MLLT10: variants seen among roughly 807,000 people sequenced by gnomAD.
MLLT10 encodes the protein MLLT10 histone lysine methyltransferase DOT1L cofactor.
Under a neutral mutation model 129.1 loss-of-function variants are expected in MLLT10, and 30 were observed. The observed-to-expected ratio is 0.23, with a 90% confidence interval of 0.17 to 0.32. The LOEUF is 0.32. Among genes scored for constraint, MLLT10 ranks in the 10% least tolerant of loss-of-function variants. The pLI is 1.00. For synonymous variants in MLLT10, 490 were observed against 446.4 expected (o/e 1.10, Z -1.23); for missense variants, 1,119 against 1,268.3 (o/e 0.88, Z 1.79).
At chr10:21,667,877 T>A (rs984118697) in intron 9 of MLLT10, among the ~76,000 whole-genome samples, 3 of 152,146 alleles carry the variant, frequency 2.0e-5, no homozygotes, top group Non-Finnish European at 4.4e-5. Flanking sequence ...TTAATGCTAT[T>A]GTATAGGTAT....
At chr10:21,712,181 T>C (rs981093089) in intron 13 of MLLT10, among the ~76,000 whole-genome samples, 2 of 152,114 alleles carry the variant, frequency 1.3e-5, no homozygotes, top group Non-Finnish European at 2.9e-5. Context: ...GTGCTTTAAT[T>C]TATTATATAA....
intron 3 of MLLT10, among the ~76,000 whole-genome samples, chr10:21,569,515 G>T (rs139528070): frequency 0.01 from 1,518 of 151,460 alleles, 17 homozygotes; most frequent in African/African-American, 0.031. Context: ...CCACCTCCTG[G>T]GTTCAAGCGA....
At chr10:21,542,653 A>G (rs1264414402) in intron 3 of MLLT10, among the ~76,000 whole-genome samples, 1 of 152,190 alleles carries the variant, frequency 6.6e-6, no homozygotes, top group Non-Finnish European at 1.5e-5. Context: ...AGGTGAGAGG[A>G]TCACGCCTGA....
chr10:21,731,178 T>C (rs2057938049), intron 17 of MLLT10, 124 bp downstream of exon 17: 1 of 884,998 alleles, frequency 1.1e-6, no homozygotes, highest in African/African-American at 1.7e-5. Context: ...TTTTATATAA[T>C]ACAGTGAGAG....
At chr10:21,557,753 A>G (rs972609453) in intron 3 of MLLT10, 1 of 151,808 alleles carries the variant, frequency 6.6e-6, no homozygotes, top group Non-Finnish European at 1.5e-5. Flanking sequence ...TGTGCCCATC[A>G]TCTCTGTGGC....
At chr10:21,593,957 A>AG (rs2042762439) in intron 4 of MLLT10, among the ~76,000 whole-genome samples, 1 of 149,908 alleles carries the variant, frequency 6.7e-6, no homozygotes, top group Non-Finnish European at 1.5e-5. Context: ...AAAAAAAAAA[A>AG]AGGTGGAAAT....
At chr10:21,559,578 T>G (rs1208886896) in intron 3 of MLLT10, among the ~76,000 whole-genome samples, 5 of 152,232 alleles carry the variant, frequency 3.3e-5, no homozygotes, top group Non-Finnish European at 5.9e-5. Context: ...TTTCCAGAAC[T>G]AATTCCAAAG....
intron 13 of MLLT10, among the ~76,000 whole-genome samples, chr10:21,689,546 A>AATATATATATATATATATGTATATAT (rs1291230304): frequency 3.7e-5 from 4 of 108,334 alleles, no homozygotes; most frequent in Non-Finnish European, 5.8e-5. Context: ...TGTGTAAAGT[A>AATATATATATATATATATGTATATAT]ATATATATAT....
chr10:21,540,516 C>A (rs983628435), intron 3 of MLLT10, among the ~76,000 whole-genome samples: 1 of 152,028 alleles, frequency 6.6e-6, no homozygotes, highest in Admixed American at 6.6e-5. Flanking sequence ...TGACTCCAGC[C>A]TGGGTGACAG....
At position 21,734,047 on chromosome 10, in the gene MLLT10, A is replaced by G. The variant is rs758174027; in HGVS notation, c.2776A>G (p.Met926Val). 57 of 1,614,050 alleles carry G rather than the reference A, an allele frequency of 3.5e-5. No homozygotes were observed. The highest frequency in any genetic ancestry group is 5.3e-5 in the African/African-American group (4 of 74,922). Residue 926 changes from methionine (M) to valine (V), a missense_variant, in exon 20 of 23, where the codon ATG becomes GTG. By Grantham distance (21) the Met-to-Val change is conservative (BLOSUM62 1). This residue lies in a region of MLLT10 where 1,004 missense variants were observed against 1,008.7 expected (regional missense o/e 1.00). Transcript: ENST00000307729. Reference sequence around the variant, plus strand: ...TGGGGTTATGCAGACTCCTGTCACAATGTCCCAGAACCCTACCCCTCTCAC... The same window carrying G: ...TGGGGTTATGCAGACTCCTGTCACAGTGTCCCAGAACCCTACCCCTCTCAC... ...LNGVMQTPVT[M>V]SQNPTPLTHT... is the part of the protein sequence containing the mutation.
chr10:21,617,147 T>A lies in MLLT10; in HGVS notation c.639T>A (p.Asp213Glu). Reference protein sequence around the residue: ...KSKRGSNRSYDQSLSDSSSHS... With the variant: ...KSKRGSNRSYEQSLSDSSSHS... ...AACGGGGATCTAATAGGTCATATGATCAAAGTTTAAGTGATTCTTCCTCTC... is the reference window on the plus strand; with the variant it reads ...AACGGGGATCTAATAGGTCATATGAACAAAGTTTAAGTGATTCTTCCTCTC... The change falls in exon 8 of 23, where the codon GAT (aspartate) becomes GAA (glutamate). Residue 213 changes from aspartate (D) to glutamate (E), a missense_variant. Coordinates refer to ENST00000307729, the MANE Select transcript of MLLT10 (RefSeq NM_001195626.3). 1.3e-6 allele frequency: 2 copies of A among 1,541,046 alleles called. No homozygotes were observed. The highest frequency in any genetic ancestry group is 1.8e-6 in the Non-Finnish European group (2 of 1,140,054).
Position 21,659,758 on chromosome 10 carries a change from G to A in MLLT10, c.795+7990G>A, listed in dbSNP as rs528190104. 5.9e-5 allele frequency among the ~76,000 whole-genome samples: 9 copies of A among 152,034 alleles called. No individual in the cohort carries two copies. In the South Asian group the frequency reaches 1.5e-3, roughly 25 times the overall value. On this transcript the variant is annotated intron_variant, in intron 9 of 22. Transcript: ENST00000307729. Reference sequence around the variant, plus strand: ...ACTCCTGAGCTCAGGTGATCCACCCGCCTTGGCCTCCCAAAGTGCTGGGAT... The same window carrying A: ...ACTCCTGAGCTCAGGTGATCCACCCACCTTGGCCTCCCAAAGTGCTGGGAT...
Position 21,614,526 on chromosome 10 carries a change from A to G in MLLT10, c.510-305A>G, listed in dbSNP as rs575367434. Among the ~76,000 whole-genome samples the G allele has an allele frequency of 7.2e-5, 11 of 152,260 alleles. No individual in the cohort carries two copies. In the South Asian group the frequency reaches 1.9e-3, roughly 26 times the overall value. ...ACTGATGGGGTGGGATTGAGGGGGA[A>G]GAGAATGTATCTTAAACTTAATATC... On this transcript the variant is annotated intron_variant, in intron 6 of 22. Coordinates refer to ENST00000307729, the MANE Select transcript of MLLT10 (RefSeq NM_001195626.3).
In MLLT10 at chr10:21,740,198, C is replaced by T; in HGVS notation, c.3124C>T (p.Leu1042Phe). 1 of 1,614,196 alleles carries T rather than the reference C, an allele frequency of 6.2e-7. No individual in the cohort carries two copies. Among genetic ancestry groups the T allele is most frequent in the Non-Finnish European group, 8.5e-7 (1 of 1,180,034 alleles). Reference protein sequence around the residue: ...PLHTATTNPFLTIHGDNASQK... With the variant: ...PLHTATTNPFFTIHGDNASQK... Reference sequence around the variant, plus strand: ...TCACACAGCTACCACCAACCCATTTCTCACCATCCATGGAGATAATGCAAG... The same window carrying T: ...TCACACAGCTACCACCAACCCATTTTTCACCATCCATGGAGATAATGCAAG... Residue 1042 changes from leucine (L) to phenylalanine (F), a missense_variant, in exon 22 of 23, where the codon CTC becomes TTC. Transcript: ENST00000307729.
intron 6 of MLLT10, 44 bp from the exon 7 acceptor site, chr10:21,614,787 G>A: frequency 6.7e-7 from 1 of 1,502,722 alleles, no homozygotes; most frequent in South Asian, 1.2e-5. Context: ...TACAGGTACT[G>A]TGATTTTAGT....
intron 4 of MLLT10, among the ~76,000 whole-genome samples, chr10:21,590,447 C>T (rs1484922012): frequency 6.6e-6 from 1 of 151,570 alleles, no homozygotes; most frequent in African/African-American, 2.4e-5. Context: ...TCAAGTGATT[C>T]TCTGCCTCAG....
At chr10:21,624,879 G>A (rs1589293151) in intron 8 of MLLT10, 1 of 1,159,970 alleles carries the variant, frequency 8.6e-7, no homozygotes, top group African/African-American at 1.5e-5. Context: ...ACAGCCTCGT[G>A]GTGGTCCCAA....
rs1460568819 is a variant in MLLT10 at position 21,682,216 on chromosome 10, A to T, written c.1667-9A>T. On this transcript the variant is annotated splice_polypyrimidine_tract_variant and intron_variant, in intron 12 of 22. Coordinates refer to ENST00000307729, the MANE Select transcript of MLLT10 (RefSeq NM_001195626.3). ...CTTAACCTGAAGTCCTTTTTTCCTT[A>T]CTTAAAAGCGTTCTCAGAGTTGCTG... 14 of 1,607,048 alleles carry T rather than the reference A, an allele frequency of 8.7e-6. No individual in the cohort carries two copies. The Admixed American group carries it at 1.7e-4, about 20-fold the overall frequency.
At chr10:21,721,379 G>T (rs1271000155) in intron 14 of MLLT10, among the ~76,000 whole-genome samples, 1 of 151,996 alleles carries the variant, frequency 6.6e-6, no homozygotes, top group South Asian at 2.1e-4. Flanking sequence ...TTAACATTAG[G>T]CAGGAAAAAA....
Sources: gnomAD v4.1 joint callset for allele counts (sites outside exome capture counted in the v4.1 genomes callset) on GRCh38, gnomAD v4.1.1 for gene constraint, gnomAD v4.1.1 regional missense constraint, MANE v1.5 for transcripts, NCBI Gene and HGNC (gene_info 2026-07-23, HGNC 2026-07-21) for gene names.